The following PIGU variants were observed in gnomAD, a reference collection of about 807,000 sequenced individuals.
PIGU encodes the protein phosphatidylinositol glycan anchor biosynthesis class U.
PIGU carries 24 observed loss-of-function variants against 49.9 expected under a neutral mutation model. That is an observed-to-expected ratio of 0.48 (90% CI 0.35 to 0.68). The LOEUF is 0.68. Among genes scored for constraint, PIGU ranks in the 30% least tolerant of loss-of-function variants. PIGU has a pLI of 0.01. For synonymous variants in PIGU, 220 were observed against 205.7 expected (o/e 1.07, Z -0.59); for missense variants, 490 against 532.6 (o/e 0.92, Z 0.79).
chr20:34,674,938 T>C (rs1370958651), intron 1 of PIGU, among the ~76,000 whole-genome samples: 1 of 84,196 alleles, frequency 1.2e-5, no homozygotes, highest in East Asian at 3.3e-4. Context: ...TGAGACCCTG[T>C]CTCTTGAAGA....
chr20:34,649,590 G>A (rs1447700731), intron 2 of PIGU, among the ~76,000 whole-genome samples: 37 of 149,792 alleles, frequency 2.5e-4, no homozygotes, highest in Non-Finnish European at 3.4e-4. Context: ...GCGTGATCTC[G>A]GCTCACTGCA....
At chr20:34,621,401 G>C (rs893812259) in intron 6 of PIGU, among the ~76,000 whole-genome samples, 1 of 152,164 alleles carries the variant, frequency 6.6e-6, no homozygotes, top group African/African-American at 2.4e-5. Context: ...TTGAGGGTTT[G>C]TTGTGGCAGA....
chr20:34,568,750 C>A (rs1370241898), intron 11 of PIGU, among the ~76,000 whole-genome samples: 1 of 152,186 alleles, frequency 6.6e-6, no homozygotes, highest in Non-Finnish European at 1.5e-5. Context: ...TGGTGTCAGA[C>A]CTCGGGCTTC....
chr20:34,650,700 C>CTCTTTTTTTTTTTTTTTTTTTTTTT (rs1986509194), intron 2 of PIGU, among the ~76,000 whole-genome samples: 4 of 38,778 alleles, frequency 1.0e-4, no homozygotes, highest in African/African-American at 2.3e-4. Flanking sequence ...CTTTTTTTCT[C>CTCTTTTTTTTTTTTTTTTTTTTTTT]TTTTTTTTTT....
At chr20:34,604,446 G>C (rs1264499710) in intron 7 of PIGU, among the ~76,000 whole-genome samples, 1 of 152,212 alleles carries the variant, frequency 6.6e-6, no homozygotes, top group African/African-American at 2.4e-5. Flanking sequence ...CACAAGAAGA[G>C]ATCCAGGAGA....
rs199991691 is a variant in PIGU, at chr20:34,654,481, C to CAA, written c.195+2697_195+2698dup. On this transcript the variant is annotated intron_variant, in intron 2 of 11. Coordinates refer to ENST00000217446, the MANE Select transcript of PIGU (RefSeq NM_080476.5). ...TGGGCAAAAGAGCAAAACTCTGTCT[C>CAA]AAAAAAAAAAAAAAAAAAGTCTCTG... Among the ~76,000 whole-genome samples the CAA allele has an allele frequency of 3.3e-4, 16 of 48,882 alleles. 3 individuals carry two copies. The highest frequency in any genetic ancestry group is 1.1e-3 in the South Asian group (2 of 1,848). 32.1% of individuals were successfully genotyped at this position (48,882 alleles called of 152,430 possible).
intron 4 of PIGU, among the ~76,000 whole-genome samples, chr20:34,638,728 G>A (rs1421732649): frequency 6.6e-6 from 1 of 152,182 alleles, no homozygotes; most frequent in Non-Finnish European, 1.5e-5. Context: ...CTGGGTGTGG[G>A]TGGGCAGCTG....
chr20:34,575,175 G>A lies in PIGU; in HGVS notation c.1123C>T (p.Leu375Phe). ...CSLLFPVLWHLWIYAGSANSN... is the reference protein window; with the variant it reads ...CSLLFPVLWHFWIYAGSANSN... ...TTGGCACTTCCTGCATAAATCCAGA[G>A]GTGCCACAGGACAGGGAAGAGCAGG... Residue 375 changes from leucine (L) to phenylalanine (F), a missense_variant, in exon 11 of 12, where the codon CTC becomes TTC. Coordinates refer to ENST00000217446, the MANE Select transcript of PIGU (RefSeq NM_080476.5). 6.2e-7 allele frequency: 1 copy of A among 1,614,160 alleles called. No homozygotes were observed. The highest frequency in any genetic ancestry group is 8.5e-7 in the Non-Finnish European group (1 of 1,180,008).
At chr20:34,564,871 C>T (rs1437185518) in intron 11 of PIGU, among the ~76,000 whole-genome samples, 1 of 152,300 alleles carries the variant, frequency 6.6e-6, no homozygotes, top group African/African-American at 2.4e-5. Flanking sequence ...GCCCTGTGAG[C>T]GGCTTGGGCA....
chr20:34,626,383 A>G (rs776204827), intron 6 of PIGU, among the ~76,000 whole-genome samples: 9 of 151,082 alleles, frequency 6.0e-5, no homozygotes, highest in Admixed American at 1.3e-4. Flanking sequence ...GCTCACTGCA[A>G]CCTCCACCTC....
At chr20:34,674,384 A>G (rs1755764044) in intron 1 of PIGU, among the ~76,000 whole-genome samples, 1 of 152,126 alleles carries the variant, frequency 6.6e-6, no homozygotes, top group Admixed American at 6.6e-5. Context: ...TACAGCTTAT[A>G]AGTTGCAGAA....
chr20:34,601,041 GA>G lies in PIGU; in HGVS notation c.628-12435del, dbSNP rs11167240. On this transcript the variant is annotated intron_variant, in intron 7 of 11. Coordinates refer to ENST00000217446, the MANE Select transcript of PIGU (RefSeq NM_080476.5). ...AAGAACGAAACTCTGTCTCAAAAAA[GA>G]AAAAAAAAAAAAGCAGTTCTCTTAG... Among the ~76,000 whole-genome samples, 294 of 138,090 alleles carry G rather than the reference GA, an allele frequency of 2.1e-3. 2 individuals are homozygous for G. Among genetic ancestry groups the G allele is most frequent in the East Asian group, 0.012 (56 of 4,762 alleles). 90.6% of individuals were successfully genotyped at this position (138,090 alleles called of 152,430 possible). A position where few individuals can be genotyped will look rare whatever the true frequency, so the allele number is the denominator to read the frequency against.
At chr20:34,620,378 A>C (rs375059818) in intron 6 of PIGU, among the ~76,000 whole-genome samples, 2 of 152,314 alleles carry the variant, frequency 1.3e-5, no homozygotes, top group East Asian at 3.9e-4. Context: ...TCTAGTAGAA[A>C]GCATTCGTTT....
chr20:34,636,059 G>C (rs1201008461), intron 5 of PIGU, among the ~76,000 whole-genome samples: 1 of 151,346 alleles, frequency 6.6e-6, no homozygotes, highest in African/African-American at 2.4e-5. Context: ...CCCTTAGCCA[G>C]GCATGGTAGT....
At chr20:34,635,057 G>A (rs946496085) in intron 5 of PIGU, among the ~76,000 whole-genome samples, 1 of 152,146 alleles carries the variant, frequency 6.6e-6, no homozygotes, top group Non-Finnish European at 1.5e-5. Context: ...ATGGTAAAGC[G>A]ACTTGCCCAA....
chr20:34,674,218 G>C (rs1482971484), intron 1 of PIGU, among the ~76,000 whole-genome samples: 3 of 151,916 alleles, frequency 2.0e-5, no homozygotes, highest in African/African-American at 7.3e-5. Flanking sequence ...AGCTGGGCAT[G>C]GTGGCGGGCA....
intron 8 of PIGU, among the ~76,000 whole-genome samples, chr20:34,588,145 G>A (rs575700732): frequency 1.3e-5 from 2 of 152,190 alleles, no homozygotes; most frequent in South Asian, 2.1e-4. Flanking sequence ...CCAGCTACTC[G>A]GGGGGCTGAG....
chr20:34,561,012 G>T, intron 11 of PIGU, 33 bp from the exon 12 acceptor site: 2 of 1,472,908 alleles, frequency 1.4e-6, no homozygotes, highest in South Asian at 1.2e-5. Flanking sequence ...AGGCGCTGCT[G>T]GGTACCTCCC....
chr20:34,564,437 G>A lies in PIGU; in HGVS notation c.1195-3458C>T, dbSNP rs986061664. Reference sequence around the variant, plus strand: ...AATTCCAGCTACTCGGGAAGCCGAGGCAAGGGGATCCCTTAAGCCCAGGAG... The same window carrying A: ...AATTCCAGCTACTCGGGAAGCCGAGACAAGGGGATCCCTTAAGCCCAGGAG... On this transcript the variant is annotated intron_variant, in intron 11 of 11. Coordinates refer to ENST00000217446, the MANE Select transcript of PIGU (RefSeq NM_080476.5). Among the ~76,000 whole-genome samples, 8 of 152,246 alleles carry A rather than the reference G, an allele frequency of 5.3e-5. No homozygotes were observed. The East Asian group carries it at 1.5e-3, about 29-fold the overall frequency.
Sources: gnomAD v4.1 joint callset for allele counts (sites outside exome capture counted in the v4.1 genomes callset) on GRCh38, gnomAD v4.1.1 for gene constraint, MANE v1.5 for transcripts, NCBI Gene and HGNC (gene_info 2026-07-23, HGNC 2026-07-21) for gene names.